Variants in SLC2A9 observed in about 807,000 individuals in gnomAD.
SLC2A9 encodes solute carrier family 2, facilitated glucose transporter member 9.
SLC2A9 carries 39 observed loss-of-function variants against 50.6 expected under a neutral mutation model. The observed-to-expected ratio is 0.77, with a 90% CI of 0.60 to 1.01. The LOEUF is 1.01. Ranked by LOEUF, SLC2A9 falls within the 50% of genes least tolerant of loss-of-function variation. The pLI, the probability that SLC2A9 is intolerant of heterozygous loss-of-function variation, is 0.00. For synonymous variants in SLC2A9, 324 were observed against 276.9 expected (o/e 1.17, Z -1.69); for missense variants, 686 against 677.6 (o/e 1.01, Z -0.14).
chr4:9,823,731 A>G (rs1577398884), downstream of SLC2A9, among the ~76,000 whole-genome samples: 1 of 152,234 alleles, frequency 6.6e-6, no homozygotes, highest in African/African-American at 2.4e-5. Context: ...AATTCACTGG[A>G]GTAAATATCA....
At chr4:9,933,611 G>A (rs772066846) in intron 6 of SLC2A9, among the ~76,000 whole-genome samples, 12 of 152,168 alleles carry the variant, frequency 7.9e-5, no homozygotes, top group Non-Finnish European at 1.5e-4. Context: ...AGACTTTAGG[G>A]GGGTGAGGAC....
At chr4:9,908,123 A>G in intron 8 of SLC2A9, 112 bp downstream of exon 8, 1 of 799,358 alleles carries the variant, frequency 1.3e-6, no homozygotes, top group South Asian at 1.4e-5. Flanking sequence ...ACATTGTCCT[A>G]ATTGATGAAT....
At chr4:9,985,873 C>T (rs1756631227) in intron 3 of SLC2A9, 80 bp from the exon 4 acceptor site, 2 of 1,599,664 alleles carry the variant, frequency 1.3e-6, no homozygotes, top group South Asian at 1.1e-5. Context: ...GAGCAGGAGC[C>T]AGGCCCTTCT....
intron 10 of SLC2A9, among the ~76,000 whole-genome samples, chr4:9,867,907 C>T (rs1732749283): frequency 6.6e-6 from 1 of 152,208 alleles, no homozygotes. Context: ...ACACATGCAA[C>T]TCACATGCGT....
chr4:9,848,805 C>T (rs1023503843), intron 10 of SLC2A9, among the ~76,000 whole-genome samples: 20 of 151,340 alleles, frequency 1.3e-4, no homozygotes, highest in East Asian at 1.9e-4. Context: ...CCCAGTTTCA[C>T]GCCATTCTCC....
Position 9,887,636 on chromosome 4 carries a change from C to G in SLC2A9, c.1222G>C (p.Ala408Pro). ...ATACTCAGGTAGGGGACCCAGGGGG[C>G]GTGGTCCTGGGAGAGAACAGGGAGT... ...LTITLTLQDH[A>P]PWVPYLSIVG... Residue 408 changes from alanine to proline, a missense_variant, in exon 10 of 12, where the codon GCC becomes CCC. Transcript: ENST00000264784. 1 of 1,540,440 alleles carries G rather than the reference C, an allele frequency of 6.5e-7. No individual in the cohort carries two copies. Among genetic ancestry groups the G allele is most frequent in the Non-Finnish European group, 8.8e-7 (1 of 1,141,364 alleles).
At chr4:9,924,317 C>T (rs187561982) in intron 6 of SLC2A9, among the ~76,000 whole-genome samples, 26 of 152,314 alleles carry the variant, frequency 1.7e-4, no homozygotes, top group African/African-American at 6.3e-4. Context: ...TCTCCGCCTG[C>T]GGCTTTCCCT....
At chr4:9,782,087 C>A in intron 3 of SLC2A9, 7 of 1,523,010 alleles carry the variant, frequency 4.6e-6, no homozygotes, top group Non-Finnish European at 6.2e-6. Context: ...TCTATACCAG[C>A]AGCTGGCGCA....
chr4:9,988,039 G>A (rs113451098), intron 3 of SLC2A9, among the ~76,000 whole-genome samples: 6 of 152,238 alleles, frequency 3.9e-5, no homozygotes, highest in East Asian at 1.9e-4. Flanking sequence ...GAATGACACC[G>A]GCTAATACTT....
chr4:9,869,369 C>G (rs558615380), intron 10 of SLC2A9, among the ~76,000 whole-genome samples: 1 of 152,310 alleles, frequency 6.6e-6, no homozygotes, highest in East Asian at 1.9e-4. Context: ...ACATTAAGGC[C>G]TTCTGTGTTC....
At chr4:10,005,071 C>T (rs1336243013) in intron 2 of SLC2A9, among the ~76,000 whole-genome samples, 2 of 152,190 alleles carry the variant, frequency 1.3e-5, no homozygotes, top group Admixed American at 1.3e-4. Flanking sequence ...AGCTTCCCAT[C>T]CTTTCTTCTA....
At chr4:9,918,099 C>G (rs1743218061) in intron 7 of SLC2A9, among the ~76,000 whole-genome samples, 1 of 152,122 alleles carries the variant, frequency 6.6e-6, no homozygotes, top group African/African-American at 2.4e-5. Context: ...ACCACTTACC[C>G]TGTGGGGCTG....
intron 3 of SLC2A9, among the ~76,000 whole-genome samples, chr4:9,789,906 C>G (rs758910988): frequency 2.6e-5 from 4 of 152,144 alleles, no homozygotes; most frequent in Admixed American, 6.5e-5. Flanking sequence ...CTGAGAGTAC[C>G]AGCACTCCAC....
chr4:9,932,180 T>A (rs908688638), intron 6 of SLC2A9, among the ~76,000 whole-genome samples: 1 of 151,584 alleles, frequency 6.6e-6, no homozygotes, highest in Non-Finnish European at 1.5e-5. Context: ...AACTGCTTCA[T>A]GTTCCCACAG....
intron 10 of SLC2A9, among the ~76,000 whole-genome samples, chr4:9,859,968 G>A (rs1355660795): frequency 6.6e-6 from 1 of 152,208 alleles, no homozygotes; most frequent in African/African-American, 2.4e-5. Flanking sequence ...TCCTGAGGGT[G>A]TGGAGAGCAA....
At chr4:9,809,671 CT>C (rs1251210365) in intron 3 of SLC2A9, among the ~76,000 whole-genome samples, 1 of 152,154 alleles carries the variant, frequency 6.6e-6, no homozygotes, top group Non-Finnish European at 1.5e-5. Context: ...AGTTTCCTCA[CT>C]GGTTAAATAG....
intron 3 of SLC2A9, chr4:9,782,107 C>A (rs777868525): frequency 6.5e-7 from 1 of 1,545,516 alleles, no homozygotes; most frequent in Non-Finnish European, 8.7e-7. Flanking sequence ...AGGGGAACGC[C>A]GTGGGGGGCT....
intron 10 of SLC2A9, among the ~76,000 whole-genome samples, chr4:9,856,364 A>T (rs144113518): frequency 6.6e-6 from 1 of 152,246 alleles, no homozygotes; most frequent in African/African-American, 2.4e-5. Flanking sequence ...ATAATAAAAA[A>T]TGCTCAATAT....
chr4:9,846,652 AC>A (rs1471086187), intron 10 of SLC2A9, among the ~76,000 whole-genome samples: 1 of 152,204 alleles, frequency 6.6e-6, no homozygotes, highest in Non-Finnish European at 1.5e-5. Context: ...GATAGTGCTT[AC>A]TTGGCACATG....
Sources: allele counts gnomAD v4.1 joint callset (sites outside exome capture counted in the v4.1 genomes callset), GRCh38; gene constraint gnomAD v4.1.1; transcripts MANE v1.5; gene names NCBI Gene and HGNC (gene_info 2026-07-23, HGNC 2026-07-21).